Variants in DDX10 observed in about 807,000 individuals in gnomAD.
DDX10 encodes the protein probable ATP-dependent RNA helicase DDX10.
DDX10 carries 74 observed loss-of-function variants against 104.3 expected under a neutral mutation model. That is an observed-to-expected ratio of 0.71 (90% CI 0.59 to 0.86). DDX10 has a LOEUF of 0.86. Ranked by LOEUF, DDX10 falls within the 40% of genes least tolerant of loss-of-function variation. DDX10 has a pLI of 0.00. For synonymous variants in DDX10, 351 were observed against 353.4 expected, an observed-to-expected ratio of 0.99 and a Z score of 0.08; for missense variants, 952 against 1,040.0, an observed-to-expected ratio of 0.92 and a Z score of 1.16.
chr11:108,935,983 A>G (rs1489436433), intron 17 of DDX10, among the ~76,000 whole-genome samples: 4 of 152,226 alleles, frequency 2.6e-5, no homozygotes, highest in Non-Finnish European at 2.9e-5. Context: ...AGCTCAGTTA[A>G]TATAATTCTA....
intron 16 of DDX10, among the ~76,000 whole-genome samples, chr11:108,888,201 A>G (rs956509016): frequency 1.3e-5 from 2 of 152,232 alleles, no homozygotes; most frequent in African/African-American, 4.8e-5. Flanking sequence ...TCTGGAGGCC[A>G]TAAACCATAA....
At chr11:108,760,046 A>C (rs2094348897) in intron 13 of DDX10, among the ~76,000 whole-genome samples, 1 of 151,712 alleles carries the variant, frequency 6.6e-6, no homozygotes, top group Non-Finnish European at 1.5e-5. Context: ...TTAGACATAA[A>C]TTGTGTTTGT....
chr11:108,910,650 T>A (rs567744259), intron 16 of DDX10, among the ~76,000 whole-genome samples: 1 of 152,130 alleles, frequency 6.6e-6, no homozygotes, highest in Non-Finnish European at 1.5e-5. Flanking sequence ...CTGCCAGTTA[T>A]AGAGGTGACA....
chr11:108,761,355 G>A (rs1034894375), intron 13 of DDX10, among the ~76,000 whole-genome samples: 1 of 152,054 alleles, frequency 6.6e-6, no homozygotes, highest in African/African-American at 2.4e-5. Context: ...TAGAGGCAGC[G>A]CCTCTAAATT....
At chr11:108,798,414 A>T (rs1357677973) in intron 13 of DDX10, among the ~76,000 whole-genome samples, 6 of 151,920 alleles carry the variant, frequency 3.9e-5, no homozygotes, top group Non-Finnish European at 7.4e-5. Flanking sequence ...CAAAACTGCA[A>T]CTCTATACCT....
intron 11 of DDX10, among the ~76,000 whole-genome samples, chr11:108,718,530 TAC>T (rs2094294352): frequency 6.6e-6 from 1 of 152,246 alleles, no homozygotes; most frequent in Admixed American, 6.5e-5. Flanking sequence ...TGTCATGACT[TAC>T]TGCATGCCTA....
At chr11:108,774,042 G>A (rs957810536) in intron 13 of DDX10, among the ~76,000 whole-genome samples, 1 of 152,212 alleles carries the variant, frequency 6.6e-6, no homozygotes, top group Admixed American at 6.5e-5. Context: ...GTGCTCTTAT[G>A]ACAAACTTCA....
At chr11:108,797,800 A>ATAAATAAATAAAT (rs1264129201) in intron 13 of DDX10, among the ~76,000 whole-genome samples, 1 of 152,214 alleles carries the variant, frequency 6.6e-6, no homozygotes, top group East Asian at 1.9e-4. Flanking sequence ...AAATAAATAA[A>ATAAATAAATAAAT]ACAATTCTTT....
rs1006309177 is a variant in DDX10, at chr11:108,830,546, CTT to C, written c.1966-7899_1966-7898del. Among the ~76,000 whole-genome samples, 38 of 152,220 alleles carry C rather than the reference CTT, an allele frequency of 2.5e-4. 1 individual carries two copies. The highest frequency in any genetic ancestry group is 8.9e-4 in the African/African-American group (37 of 41,560). On this transcript the variant is annotated intron_variant, in intron 13 of 17. Coordinates refer to ENST00000322536, the MANE Select transcript of DDX10 (RefSeq NM_004398.4). Reference sequence around the variant, plus strand: ...ATTTGGTTTCCCTTTATTTCTTTCTCTTGTCTCATTGCTCTGGCTAAGACTTC... The same window carrying C: ...ATTTGGTTTCCCTTTATTTCTTTCTCGTCTCATTGCTCTGGCTAAGACTTC...
intron 16 of DDX10, among the ~76,000 whole-genome samples, chr11:108,889,173 T>C (rs903279099): frequency 3.3e-5 from 5 of 152,180 alleles, no homozygotes; most frequent in African/African-American, 1.2e-4. Flanking sequence ...GTAGATGTCA[T>C]AATCACAGGA....
rs2094226587 is a variant in DDX10 at position 108,677,142 on chromosome 11, A to G, written c.436A>G (p.Ile146Val). Reference sequence around the variant, plus strand: ...TTCAACAGATGGGCTGGGGGTTCTCATAATATCACCTACGAGAGAACTGGC... The same window carrying G: ...TTCAACAGATGGGCTGGGGGTTCTCGTAATATCACCTACGAGAGAACTGGC... ...WTSTDGLGVLIISPTRELAYQ... is the reference protein window; with the variant it reads ...WTSTDGLGVLVISPTRELAYQ... Residue 146 changes from isoleucine to valine, a missense_variant, in exon 4 of 18, where the codon ATA (isoleucine) becomes GTA (valine). Ile to Val is a conservative substitution (Grantham distance 29). Transcript: ENST00000322536. 9 of 1,613,854 alleles carry G rather than the reference A, an allele frequency of 5.6e-6. No homozygotes were observed. The South Asian group carries it at 7.7e-5, about 14-fold the overall frequency.
At chr11:108,787,295 C>T (rs1017036421) in intron 13 of DDX10, among the ~76,000 whole-genome samples, 4 of 151,982 alleles carry the variant, frequency 2.6e-5, no homozygotes, top group Admixed American at 6.6e-5. Flanking sequence ...TTGCATTGAC[C>T]GTGGAGAATC....
intron 16 of DDX10, among the ~76,000 whole-genome samples, chr11:108,897,086 T>C (rs900885040): frequency 6.6e-6 from 1 of 152,112 alleles, no homozygotes; most frequent in African/African-American, 2.4e-5. Flanking sequence ...AAACTGAAGG[T>C]ACCTTCCAAG....
intron 13 of DDX10, among the ~76,000 whole-genome samples, chr11:108,749,826 C>T (rs2094336252): frequency 6.6e-6 from 1 of 152,086 alleles, no homozygotes; most frequent in Non-Finnish European, 1.5e-5. Flanking sequence ...TGTTGCAAAG[C>T]TTTTAAGAAA....
chr11:108,897,954 G>A (rs779873041), intron 16 of DDX10, among the ~76,000 whole-genome samples: 7 of 151,934 alleles, frequency 4.6e-5, no homozygotes, highest in Non-Finnish European at 7.4e-5. Flanking sequence ...TCTAGGTTTC[G>A]AATAAAATTT....
chr11:108,787,970 G>C (rs1053123662), intron 13 of DDX10, among the ~76,000 whole-genome samples: 2 of 152,134 alleles, frequency 1.3e-5, no homozygotes, highest in Non-Finnish European at 2.9e-5. Flanking sequence ...AATTCTTGAA[G>C]TAAATTTTTC....
At chr11:108,676,285 C>T (rs1227594993) in intron 3 of DDX10, among the ~76,000 whole-genome samples, 1 of 151,946 alleles carries the variant, frequency 6.6e-6, no homozygotes, top group Non-Finnish European at 1.5e-5. Flanking sequence ...ATAAAATGAC[C>T]CAGAAAAATC....
intron 17 of DDX10, among the ~76,000 whole-genome samples, chr11:108,933,274 T>G (rs560258347): frequency 6.6e-6 from 1 of 152,046 alleles, no homozygotes; most frequent in South Asian, 2.1e-4. Flanking sequence ...ATGGGAAATT[T>G]GACCAGATAT....
At chr11:108,833,958 C>T (rs996004584) in intron 13 of DDX10, among the ~76,000 whole-genome samples, 2 of 152,006 alleles carry the variant, frequency 1.3e-5, no homozygotes, top group African/African-American at 4.8e-5. Flanking sequence ...TTCTCTCTGT[C>T]TTTCTTTGCT....
Sources: gnomAD v4.1 joint callset for allele counts (sites outside exome capture counted in the v4.1 genomes callset) on GRCh38, gnomAD v4.1.1 for gene constraint, MANE v1.5 for transcripts, NCBI Gene and HGNC (gene_info 2026-07-23, HGNC 2026-07-21) for gene names.